The following LRP1B variants were observed in gnomAD, a reference collection of about 807,000 sequenced individuals.
The protein encoded by LRP1B is low-density lipoprotein receptor-related protein 1B.
Under a neutral mutation model 556.6 loss-of-function variants are expected in LRP1B, and 217 were observed. That is an observed-to-expected ratio of 0.39 (90% CI 0.35 to 0.44). The LOEUF (loss-of-function observed/expected upper bound fraction) is 0.44. LRP1B is among the 20% of genes least tolerant of loss of function. The pLI is 1.00. For synonymous variants in LRP1B, 2,047 were observed against 1,865.8 expected (o/e 1.10, Z -2.50); for missense variants, 5,053 against 5,620.8 (o/e 0.90, Z 3.23).
chr2:140,238,813 C>G (rs1680824354), intron 88 of LRP1B, among the ~76,000 whole-genome samples: 1 of 150,760 alleles, frequency 6.6e-6, no homozygotes, highest in African/African-American at 2.4e-5. Flanking sequence ...TAGGTAATTT[C>G]TCATCAACCA....
chr2:141,399,283 T>G (rs1690360159), intron 3 of LRP1B, among the ~76,000 whole-genome samples: 1 of 151,888 alleles, frequency 6.6e-6, no homozygotes. Flanking sequence ...CCAAATTCCA[T>G]CTCATTTTAA....
intron 79 of LRP1B, among the ~76,000 whole-genome samples, chr2:140,331,301 C>T (rs1046354987): frequency 6.6e-6 from 1 of 152,060 alleles, no homozygotes. Flanking sequence ...AGCCATTATC[C>T]TCAGCAAAAT....
intron 2 of LRP1B, among the ~76,000 whole-genome samples, chr2:141,797,338 C>T (rs1695859085): frequency 6.6e-6 from 1 of 151,392 alleles, no homozygotes; most frequent in South Asian, 2.1e-4. Context: ...GAAAAGATTG[C>T]TGTCCTTAAG....
chr2:141,212,249 ATTTTTTTTTTTTTTTTTTTT>A (rs59699046), intron 6 of LRP1B, among the ~76,000 whole-genome samples: 7 of 62,264 alleles, frequency 1.1e-4, no homozygotes, highest in Non-Finnish European at 1.5e-4. Context: ...AAAAGTCTAG[ATTTTTTTTTTTTTTTTTTTT>A]TTTTTTTTTT....
intron 27 of LRP1B, among the ~76,000 whole-genome samples, chr2:140,866,240 C>T (rs1445547702): frequency 6.6e-6 from 1 of 152,070 alleles, no homozygotes; most frequent in Non-Finnish European, 1.5e-5. Flanking sequence ...TTGTCATCTA[C>T]AGTGTTTGCT....
intron 3 of LRP1B, among the ~76,000 whole-genome samples, chr2:141,329,386 C>CA (rs3038417): frequency 0.019 from 2,075 of 111,680 alleles, 91 homozygotes; most frequent in African/African-American, 0.059. Flanking sequence ...AAAACTCCGT[C>CA]AAAAAAAAAA....
At chr2:140,632,343 G>T (rs1172625572) in intron 41 of LRP1B, among the ~76,000 whole-genome samples, 3 of 152,054 alleles carry the variant, frequency 2.0e-5, no homozygotes, top group African/African-American at 7.2e-5. Context: ...TGAAATGAAT[G>T]ACAGCAATGT....
Position 141,878,264 on chromosome 2 carries a change from G to A in LRP1B, c.83-67863C>T, listed in dbSNP as rs556819326. On this transcript the variant is annotated intron_variant, in intron 1 of 90. Coordinates refer to ENST00000389484, the MANE Select transcript of LRP1B (RefSeq NM_018557.3). ...GTGAGTGGGTTCAGAAGACACCAGAGAGCTGAGATGCAAAGGAATTTAAAC... is the reference window on the plus strand; with the variant it reads ...GTGAGTGGGTTCAGAAGACACCAGAAAGCTGAGATGCAAAGGAATTTAAAC... Among the ~76,000 whole-genome samples the A allele has an allele frequency of 2.6e-5, 4 of 151,938 alleles. No homozygotes were observed. The South Asian group carries it at 8.3e-4, about 32-fold the overall frequency.
intron 7 of LRP1B, among the ~76,000 whole-genome samples, chr2:141,130,482 A>T (rs1701322621): frequency 6.6e-6 from 1 of 152,126 alleles, no homozygotes; most frequent in South Asian, 2.1e-4. Flanking sequence ...TAATTTTTGT[A>T]ATGTGCTAAT....
At chr2:141,357,825 TTAG>T (rs1442334635) in intron 3 of LRP1B, among the ~76,000 whole-genome samples, 1 of 152,214 alleles carries the variant, frequency 6.6e-6, no homozygotes, top group East Asian at 1.9e-4. Flanking sequence ...ATGAAATTAA[TTAG>T]TAGAAAATAT....
intron 1 of LRP1B, among the ~76,000 whole-genome samples, chr2:141,876,283 A>T (rs954167379): frequency 6.6e-6 from 1 of 151,954 alleles, no homozygotes; most frequent in East Asian, 1.9e-4. Flanking sequence ...TCTTGACCTT[A>T]AAAATCAGTT....
Position 140,514,882 on chromosome 2 carries a change from T to C in LRP1B, c.8150-110A>G, listed in dbSNP as rs1558935766. On this transcript the variant is annotated intron_variant, in intron 50 of 90. Coordinates refer to ENST00000389484, the MANE Select transcript of LRP1B (RefSeq NM_018557.3). Reference sequence around the variant, plus strand: ...TTTGCTAAAATCAACAATCCTATAATAAAAGAAGCCAACTTCTTCTTTTCT... The same window carrying C: ...TTTGCTAAAATCAACAATCCTATAACAAAAGAAGCCAACTTCTTCTTTTCT... 12 of 1,028,486 alleles carry C rather than the reference T, an allele frequency of 1.2e-5. 1 individual carries two copies. In the South Asian group the frequency reaches 3.0e-4, roughly 25 times the overall value. 63.7% of individuals were successfully genotyped at this position (1,028,486 alleles called of 1,614,324 possible).
At chr2:140,618,994 A>T (rs1683355341) in intron 41 of LRP1B, among the ~76,000 whole-genome samples, 1 of 152,084 alleles carries the variant, frequency 6.6e-6, no homozygotes. Flanking sequence ...ATATTTTTAC[A>T]ATTGCAGAAT....
chr2:140,796,855 T>C (rs1403635300), intron 32 of LRP1B, among the ~76,000 whole-genome samples: 1 of 152,096 alleles, frequency 6.6e-6, no homozygotes, highest in Non-Finnish European at 1.5e-5. Flanking sequence ...CGCTAGATCT[T>C]TCACTGAAAA....
intron 2 of LRP1B, among the ~76,000 whole-genome samples, chr2:141,737,237 AGCTACTTGGGAGGCCAAGGCAGGAGAATT>A (rs1402843466): frequency 2.0e-5 from 3 of 152,168 alleles, no homozygotes; most frequent in African/African-American, 7.2e-5. Context: ...CTGTAATCCC[AGCTACTTGGGAGGCCAAGGCAGGAGAATT>A]GCTTGAACCT....
chr2:142,119,378 C>T (rs1480594621), intron 1 of LRP1B, among the ~76,000 whole-genome samples: 1 of 152,104 alleles, frequency 6.6e-6, no homozygotes, highest in Non-Finnish European at 1.5e-5. Context: ...CTCCAAGCTG[C>T]CTTTTTGGCA....
chr2:141,322,427 G>C (rs2105473588), intron 3 of LRP1B, among the ~76,000 whole-genome samples: 1 of 152,162 alleles, frequency 6.6e-6, no homozygotes, highest in African/African-American at 2.4e-5. Flanking sequence ...TACAGCCTGA[G>C]CTTTAGGTAT....
At chr2:140,302,891 T>C (rs1308640793) in intron 83 of LRP1B, among the ~76,000 whole-genome samples, 3 of 151,684 alleles carry the variant, frequency 2.0e-5, no homozygotes, top group African/African-American at 7.3e-5. Flanking sequence ...AGTTCTCCGA[T>C]TTTTAGATTT....
intron 6 of LRP1B, among the ~76,000 whole-genome samples, chr2:141,193,507 G>A (rs1192346869): frequency 6.6e-6 from 1 of 151,970 alleles, no homozygotes; most frequent in Non-Finnish European, 1.5e-5. Context: ...AATACTTCAT[G>A]TTCTCATGTA....
Sources: allele counts gnomAD v4.1 joint callset (sites outside exome capture counted in the v4.1 genomes callset), GRCh38; gene constraint gnomAD v4.1.1; transcripts MANE v1.5; gene names NCBI Gene and HGNC (gene_info 2026-07-23, HGNC 2026-07-21).